The following AFF2 variants were observed in gnomAD, a reference collection of about 807,000 sequenced individuals.
AFF2 encodes AF4/FMR2 family member 2.
Under a neutral mutation model 76.9 loss-of-function variants are expected in AFF2, and 14 were observed. That is an observed-to-expected ratio of 0.18 (90% CI 0.12 to 0.28). The LOEUF (loss-of-function observed/expected upper bound fraction) is 0.28. Ranked by LOEUF, AFF2 falls within the 10% of genes least tolerant of loss-of-function variation. AFF2 has a pLI of 1.00. For synonymous variants in AFF2, 398 were observed against 366.7 expected, an observed-to-expected ratio of 1.09 and a Z score of -0.98; for missense variants, 868 against 1,001.1, an observed-to-expected ratio of 0.87 and a Z score of 1.79.
chrX:148,946,293 G>A (rs939511990), intron 9 of AFF2, among the ~76,000 whole-genome samples: 24 of 112,239 alleles, frequency 2.1e-4, no homozygotes, highest in Admixed American at 1.0e-3. Flanking sequence ...TTCCCAGCAC[G>A]TCATTTAGCC....
chrX:148,700,074 A>G (rs2054767027), intron 3 of AFF2, among the ~76,000 whole-genome samples: 1 of 111,616 alleles, frequency 9.0e-6, no homozygotes, highest in Admixed American at 9.5e-5. Context: ...GATTCTCAAA[A>G]TATCAGTGAC....
At chrX:148,955,447 G>A (rs1167778707) in intron 10 of AFF2, among the ~76,000 whole-genome samples, 156 bp from the exon 11 acceptor site, 1 of 112,387 alleles carries the variant, frequency 8.9e-6, no homozygotes, top group Non-Finnish European at 1.9e-5. Context: ...TGGATAGTGG[G>A]TATGTGCAGG....
chrX:148,869,940 G>A (rs1444567942), intron 7 of AFF2, among the ~76,000 whole-genome samples: 5 of 111,253 alleles, frequency 4.5e-5, no homozygotes, highest in East Asian at 2.8e-4. Flanking sequence ...AGGGATCACC[G>A]TAAGGACCTC....
chrX:148,965,383 C>T (rs1012879747), intron 13 of AFF2, among the ~76,000 whole-genome samples: 2 of 111,931 alleles, frequency 1.8e-5, no homozygotes, highest in Non-Finnish European at 3.8e-5. Context: ...GGAGCATTAT[C>T]ATTTTTCAAA....
chrX:148,607,285 C>G (rs1264070559), intron 1 of AFF2, among the ~76,000 whole-genome samples: 2 of 110,913 alleles, frequency 1.8e-5, no homozygotes, highest in African/African-American at 6.6e-5. Flanking sequence ...TTGCTGTGTC[C>G]CCACCCAAAT....
At chrX:148,557,398 A>G (rs1284448669) in intron 1 of AFF2, among the ~76,000 whole-genome samples, 3 of 112,234 alleles carry the variant, frequency 2.7e-5, no homozygotes, top group African/African-American at 9.7e-5. Context: ...AGACTGGGTA[A>G]TCTATAAAGA....
intron 1 of AFF2, among the ~76,000 whole-genome samples, chrX:148,630,636 T>A (rs868923935): frequency 9.0e-6 from 1 of 111,691 alleles, no homozygotes; most frequent in Admixed American, 9.5e-5. Context: ...ACGAATGTCC[T>A]CTCTTGCCGC....
intron 7 of AFF2, among the ~76,000 whole-genome samples, chrX:148,878,424 C>T (rs192858891): frequency 7.2e-4 from 81 of 111,870 alleles, no homozygotes; most frequent in African/African-American, 2.6e-3. Flanking sequence ...TGGAGTACTA[C>T]GATGGCAGTC....
At position 148,662,600 on chromosome X, in the gene AFF2, C is replaced by A; in HGVS notation, c.873C>A (p.Pro291=). The A allele has an allele frequency of 8.3e-7, 1 of 1,211,548 alleles. No homozygotes were observed. The highest frequency in any genetic ancestry group is 1.8e-5 in the South Asian group (1 of 56,977). Residue 291 remains proline, a synonymous_variant, in exon 3 of 21, where the codon CCC becomes CCA. Coordinates refer to ENST00000370460, the MANE Select transcript of AFF2 (RefSeq NM_002025.4). ...GQQKPTAYVR[P]MDGQDQAPDI... ...AAAAGCCAACTGCATACGTCAGACC[C>A]ATGGATGGCCAGGACCAGGCACCGG...
intron 4 of AFF2, among the ~76,000 whole-genome samples, chrX:148,821,686 C>T (rs1457513362): frequency 9.0e-6 from 1 of 111,375 alleles, no homozygotes; most frequent in East Asian, 2.8e-4. Flanking sequence ...ATTAATTTCT[C>T]TATCTGTCTT....
At chrX:148,769,373 G>C (rs2069557973) in intron 3 of AFF2, among the ~76,000 whole-genome samples, 1 of 111,298 alleles carries the variant, frequency 9.0e-6, no homozygotes, top group South Asian at 3.8e-4. Context: ...AGTGTGAGTG[G>C]TTTTCATGAA....
chrX:148,795,832 A>AATATATATATATATATAT (rs1169188980), intron 3 of AFF2, among the ~76,000 whole-genome samples: 1 of 15,537 alleles, frequency 6.4e-5, no homozygotes, highest in African/African-American at 2.4e-4. Context: ...AAAAAAAAAA[A>AATATATATATATATATAT]ATATATATAT....
At chrX:148,974,447 T>C (rs1557289949) in intron 16 of AFF2, among the ~76,000 whole-genome samples, 2 of 111,549 alleles carry the variant, frequency 1.8e-5, no homozygotes, top group Admixed American at 1.9e-4. Context: ...AGTCCTTATG[T>C]CCAGTCCCAT....
chrX:148,594,642 A>G (rs2053554640), intron 1 of AFF2, among the ~76,000 whole-genome samples: 1 of 112,166 alleles, frequency 8.9e-6, no homozygotes. Flanking sequence ...AAATCCTAGC[A>G]GTGGGAAAGC....
intron 3 of AFF2, among the ~76,000 whole-genome samples, chrX:148,772,251 A>G (rs1380782769): frequency 8.9e-6 from 1 of 112,431 alleles, no homozygotes; most frequent in Non-Finnish European, 1.9e-5. Flanking sequence ...GAAATGAAAT[A>G]GAAATGTATT....
intron 3 of AFF2, among the ~76,000 whole-genome samples, chrX:148,701,337 G>A (rs1569553619): frequency 9.0e-6 from 1 of 111,150 alleles, no homozygotes; most frequent in Non-Finnish European, 1.9e-5. Context: ...CATTTAAAGT[G>A]CTTTTTAAAA....
At chrX:148,520,988 C>G (rs782222580) in intron 1 of AFF2, among the ~76,000 whole-genome samples, 2 of 112,212 alleles carry the variant, frequency 1.8e-5, no homozygotes, top group South Asian at 7.3e-4. Context: ...GGAAGTCAAA[C>G]AGTTTAGTGG....
In AFF2 at chrX:148,520,826, A is replaced by G. The variant is rs781885399; in HGVS notation, c.47+19682A>G. Among the ~76,000 whole-genome samples the G allele has an allele frequency of 8.9e-5, 10 of 112,568 alleles. No individual in the cohort carries two copies. The South Asian group carries it at 3.7e-3, about 41-fold the overall frequency. ...ATATTAAGGAATCTGATATACAGTA[A>G]TCAGAAACAGTTTTGATCAATCTCT... On this transcript the variant is annotated intron_variant, in intron 1 of 20. Transcript: ENST00000370460.
At chrX:148,633,982 G>T (rs2054004487) in intron 1 of AFF2, among the ~76,000 whole-genome samples, 1 of 111,897 alleles carries the variant, frequency 8.9e-6, no homozygotes, top group South Asian at 3.8e-4. Flanking sequence ...AGAGTCAGGA[G>T]ACTTGGGCTC....
Sources: gnomAD v4.1 joint callset for allele counts (sites outside exome capture counted in the v4.1 genomes callset) on GRCh38, gnomAD v4.1.1 for gene constraint, MANE v1.5 for transcripts, NCBI Gene and HGNC (gene_info 2026-07-23, HGNC 2026-07-21) for gene names.